The following FRZB variants were observed in gnomAD, a reference collection of about 807,000 sequenced individuals.
FRZB encodes the protein frizzled related protein.
Under a neutral mutation model 32.5 loss-of-function variants are expected in FRZB, and 34 were observed. That is an observed-to-expected ratio of 1.05 (90% confidence interval 0.80 to 1.39). FRZB has a LOEUF of 1.39. Among genes scored for constraint, FRZB ranks in the 40% most tolerant of loss-of-function variants. The pLI is 0.00. For synonymous variants in FRZB, 170 were observed against 159.2 expected (o/e 1.07, Z -0.51); for missense variants, 423 against 424.8 (o/e 1.00, Z 0.04).
At chr2:182,858,543 G>A (rs1695796286) in intron 2 of FRZB, among the ~76,000 whole-genome samples, 2 of 151,976 alleles carry the variant, frequency 1.3e-5, no homozygotes, top group Admixed American at 1.3e-4. Flanking sequence ...CTGATGTGGT[G>A]GTGGTTACAT....
At chr2:182,864,512 G>A (rs1201622372) in intron 1 of FRZB, among the ~76,000 whole-genome samples, 1 of 152,204 alleles carries the variant, frequency 6.6e-6, no homozygotes, top group Non-Finnish European at 1.5e-5. Flanking sequence ...ATACATTTCT[G>A]TGATGATTTT....
chr2:182,836,394 A>C (rs778205963), intron 5 of FRZB, among the ~76,000 whole-genome samples: 1 of 152,096 alleles, frequency 6.6e-6, no homozygotes, highest in Non-Finnish European at 1.5e-5. Flanking sequence ...TTTAGCCCTC[A>C]ATATCTGCAT....
chr2:182,844,468 G>A (rs1255976880), intron 2 of FRZB, among the ~76,000 whole-genome samples: 2 of 151,922 alleles, frequency 1.3e-5, no homozygotes. Flanking sequence ...TATGGTATTA[G>A]GTTTATAAAT....
chr2:182,856,659 A>G (rs1695773005), intron 2 of FRZB, among the ~76,000 whole-genome samples: 1 of 152,168 alleles, frequency 6.6e-6, no homozygotes, highest in Non-Finnish European at 1.5e-5. Context: ...ATCAAATGAC[A>G]GCTGAATTAC....
intron 1 of FRZB, among the ~76,000 whole-genome samples, chr2:182,859,613 T>C (rs1559051358): frequency 1.3e-5 from 2 of 152,190 alleles, no homozygotes; most frequent in South Asian, 2.1e-4. Flanking sequence ...GCTAAACTAA[T>C]TTAATGCCTC....
intron 5 of FRZB, among the ~76,000 whole-genome samples, chr2:182,836,992 T>G (rs1695532519): frequency 6.6e-6 from 1 of 151,560 alleles, no homozygotes. Context: ...CGCCCAGGGG[T>G]GTTTAACTTA....
intron 2 of FRZB, 41 bp from the exon 3 acceptor site, chr2:182,842,584 A>C: frequency 2.0e-6 from 3 of 1,514,632 alleles, no homozygotes; most frequent in Non-Finnish European, 2.7e-6. Flanking sequence ...TTCCAATATT[A>C]GCTTTCTTTT....
At chr2:182,840,961 A>C (rs967913081) in intron 3 of FRZB, among the ~76,000 whole-genome samples, 1 of 152,128 alleles carries the variant, frequency 6.6e-6, no homozygotes, top group African/African-American at 2.4e-5. Context: ...TATAAAATTG[A>C]TATGTTTTTA....
At chr2:182,864,811 G>A (rs1695872256) in intron 1 of FRZB, among the ~76,000 whole-genome samples, 1 of 152,092 alleles carries the variant, frequency 6.6e-6, no homozygotes, top group Non-Finnish European at 1.5e-5. Context: ...AAGGAAAGTT[G>A]ATGCCCAAGA....
chr2:182,833,988 T>C lies in FRZB; in HGVS notation c.*861A>G, dbSNP rs2105749445. On this transcript the variant is annotated 3_prime_UTR_variant, in exon 6 of 6. Transcript: ENST00000295113. ...GGTCAATACGGCAATTCTGATTTAT[T>C]TTAAAAGAAGAGAAAAAAAAAGACT... is the stretch of plus-strand genomic sequence containing the variant. 6.7e-6 allele frequency: 1 copy of C among 149,044 alleles called. No individual in the cohort carries two copies. Among genetic ancestry groups the C allele is most frequent in the East Asian group, 1.9e-4 (1 of 5,178 alleles). The allele number at this position is 149,044 out of a possible 1,614,324, so 9.2% of individuals were successfully genotyped here. A position where few individuals can be genotyped will look rare whatever the true frequency, so the allele number is the denominator to read the frequency against.
At chr2:182,843,613 A>C (rs1297086853) in intron 2 of FRZB, among the ~76,000 whole-genome samples, 1 of 152,206 alleles carries the variant, frequency 6.6e-6, no homozygotes, top group Non-Finnish European at 1.5e-5. Flanking sequence ...CAACAAAAAA[A>C]GTTTCACTTA....
At chr2:182,862,694 A>G (rs1007742835) in intron 1 of FRZB, among the ~76,000 whole-genome samples, 1 of 152,238 alleles carries the variant, frequency 6.6e-6, no homozygotes, top group African/African-American at 2.4e-5. Context: ...ATAGTAAAAC[A>G]GCAGCAGCAC....
chr2:182,849,283 C>A (rs1047092132), intron 2 of FRZB, among the ~76,000 whole-genome samples: 8 of 149,922 alleles, frequency 5.3e-5, no homozygotes, highest in South Asian at 2.1e-4. Context: ...AATAAATGTT[C>A]TTTATCTTGA....
chr2:182,865,254 T>C (rs1170163348), intron 1 of FRZB, among the ~76,000 whole-genome samples: 1 of 152,124 alleles, frequency 6.6e-6, no homozygotes, highest in Non-Finnish European at 1.5e-5. Flanking sequence ...TAACATTACG[T>C]GAGTGTATGA....
chr2:182,835,458 C>T (rs1415127078), intron 5 of FRZB, among the ~76,000 whole-genome samples: 2 of 151,756 alleles, frequency 1.3e-5, no homozygotes, highest in East Asian at 3.9e-4. Context: ...GGGGGGGTCT[C>T]AAAAATATTT....
At position 182,842,541 on chromosome 2, in the gene FRZB, G is replaced by T; in HGVS notation, c.529C>A (p.Arg177Ser). The T allele has an allele frequency of 6.2e-7, 1 of 1,609,360 alleles. No homozygotes were observed. The highest frequency in any genetic ancestry group is 1.3e-5 in the African/African-American group (1 of 74,830). The stretch of plus-strand genomic sequence containing the variant: ...GCTCTAATAGGCTTACATTTACAGC[G>T]TTCTGAAAAACACATTTTAGTTATA... ...NGNCRGASSE[R>S]CKCKPIRATQ... The change falls in exon 3 of 6, where the codon CGC becomes AGC. Residue 177 changes from arginine (R) to serine (S), a missense_variant and splice_region_variant. Coordinates refer to ENST00000295113, the MANE Select transcript of FRZB (RefSeq NM_001463.4).
chr2:182,862,353 T>C (rs1439878529), intron 1 of FRZB, among the ~76,000 whole-genome samples: 1 of 152,212 alleles, frequency 6.6e-6, no homozygotes, highest in African/African-American at 2.4e-5. Flanking sequence ...TATCATACCA[T>C]AAATTTTCTT....
At chr2:182,847,445 G>A (rs1695656792) in intron 2 of FRZB, among the ~76,000 whole-genome samples, 1 of 152,158 alleles carries the variant, frequency 6.6e-6, no homozygotes, top group South Asian at 2.1e-4. Context: ...AGTCCTCTGT[G>A]TCAAATGACC....
intron 1 of FRZB, among the ~76,000 whole-genome samples, chr2:182,864,491 A>G (rs1326572615): frequency 6.6e-6 from 1 of 152,216 alleles, no homozygotes; most frequent in Non-Finnish European, 1.5e-5. Flanking sequence ...TTTAGCAAAG[A>G]TTAATAGCAA....
Sources: gnomAD v4.1 joint callset for allele counts (sites outside exome capture counted in the v4.1 genomes callset) on GRCh38, gnomAD v4.1.1 for gene constraint, MANE v1.5 for transcripts, NCBI Gene and HGNC (gene_info 2026-07-23, HGNC 2026-07-21) for gene names.